Variants in CACNA2D4 observed in about 807,000 individuals in gnomAD.
CACNA2D4 encodes calcium voltage-gated channel auxiliary subunit alpha2delta 4, also known as voltage-dependent calcium channel subunit alpha-2/delta-4.
In CACNA2D4, 157 loss-of-function variants were observed where a neutral mutation model predicts 163.8. The ratio of observed to expected loss-of-function variants is 0.96; its 90% CI spans 0.84 to 1.09. The LOEUF (loss-of-function observed/expected upper bound fraction) is 1.09. Ranked by LOEUF, CACNA2D4 falls within the 50% of genes least tolerant of loss-of-function variation. The probability of loss-of-function intolerance (pLI) is 0.00; values close to 1 mark genes in which losing one functional copy is unlikely to be tolerated. For missense variants in CACNA2D4, 1,410 were observed against 1,479.9 expected, an observed-to-expected ratio of 0.95 and a Z score of 0.78; for synonymous variants, 598 against 586.9, an observed-to-expected ratio of 1.02 and a Z score of -0.27.
chr12:1,817,093 A>G (rs1592668216), intron 26 of CACNA2D4, among the ~76,000 whole-genome samples: 1 of 152,106 alleles, frequency 6.6e-6, no homozygotes, highest in African/African-American at 2.4e-5. Context: ...GTTGCACGGG[A>G]TAGGGACTGT....
intron 14 of CACNA2D4, 52 bp from the exon 15 acceptor site, chr12:1,879,088 G>A: frequency 2.1e-6 from 3 of 1,457,680 alleles, no homozygotes; most frequent in East Asian, 4.5e-5. Context: ...CTGTGTACAA[G>A]GTTAGACTGG....
Position 1,834,997 on chromosome 12 carries a change from G to A in CACNA2D4, c.2551+5742C>T, listed in dbSNP as rs186891929. ...CTAAGCTCTGGCCACAGCAAAGCAA[G>A]GAGGTGTGTGCAAGAGGAGGCTTCC... On this transcript the variant is annotated intron_variant, in intron 26 of 37. Transcript: ENST00000382722. The surrounding 1 kb of genome is among the most constrained non-coding windows in gnomAD (Gnocchi z 7.6). The A allele has an allele frequency of 3.0e-4, 149 of 503,494 alleles. No individual in the cohort carries two copies. Among genetic ancestry groups the A allele is most frequent in the African/African-American group, 2.7e-3 (139 of 51,994 alleles). The allele number at this position is 503,494 out of a possible 1,614,324, so 31.2% of individuals were successfully genotyped here. A position where few individuals can be genotyped will look rare whatever the true frequency, so the allele number is the denominator to read the frequency against.
chr12:1,844,330 G>A lies in CACNA2D4; in HGVS notation c.2470+72C>T. 2 of 1,555,808 alleles carry A rather than the reference G, an allele frequency of 1.3e-6. No individual in the cohort carries two copies. The highest frequency in any genetic ancestry group is 2.3e-5 in the South Asian group (2 of 85,494). On this transcript the variant is annotated intron_variant, in intron 25 of 37. Coordinates refer to ENST00000382722, the MANE Select transcript of CACNA2D4 (RefSeq NM_172364.5). This position sits in a 1 kb window ranked among gnomAD's most constrained non-coding sequence, Gnocchi z 4.2. ...ATATCTCGTTCCCATTTCCCACTAA[G>A]AGCACAGCAGGAGGAGAGATGAGAC...
In CACNA2D4 at chr12:1,802,694, C is replaced by T. The variant is rs12580035; in HGVS notation, c.2722-1050G>A. Among the ~76,000 whole-genome samples, 20,693 of 152,252 alleles carry T rather than the reference C, an allele frequency of 0.14. 1,745 individuals are homozygous for T. The highest frequency in any genetic ancestry group is 0.21 in the Middle Eastern group (63 of 294). Reference sequence around the variant, plus strand: ...TAAATACTTGAAAAATGGCAGCCATCGTTAGGAGGAGAGGTCCGGGGTCCG... The same window carrying T: ...TAAATACTTGAAAAATGGCAGCCATTGTTAGGAGGAGAGGTCCGGGGTCCG... On this transcript the variant is annotated intron_variant, in intron 29 of 37. Coordinates refer to ENST00000382722, the MANE Select transcript of CACNA2D4 (RefSeq NM_172364.5). This position sits in a 1 kb window ranked among gnomAD's most constrained non-coding sequence, Gnocchi z 4.7.
chr12:1,863,472 T>G (rs1865568069), intron 18 of CACNA2D4, among the ~76,000 whole-genome samples: 1 of 152,234 alleles, frequency 6.6e-6, no homozygotes, highest in Non-Finnish European at 1.5e-5. Context: ...TCTGTTCAAA[T>G]TTTGATCGGA....
chr12:1,823,790 G>A (rs1021429685), intron 26 of CACNA2D4, among the ~76,000 whole-genome samples: 1 of 152,210 alleles, frequency 6.6e-6, no homozygotes, highest in African/African-American at 2.4e-5. Context: ...GACAAAAACA[G>A]CTGCCTTCTC....
At chr12:1,868,836 G>T (rs903887398) in intron 18 of CACNA2D4, among the ~76,000 whole-genome samples, 1 of 152,168 alleles carries the variant, frequency 6.6e-6, no homozygotes, top group Admixed American at 6.5e-5. Flanking sequence ...TACTGAATAT[G>T]TACAGACTTT....
At chr12:1,817,447 T>C (rs1400294006) in intron 26 of CACNA2D4, among the ~76,000 whole-genome samples, 1 of 151,980 alleles carries the variant, frequency 6.6e-6, no homozygotes, top group Non-Finnish European at 1.5e-5. Flanking sequence ...CAGCTCTGTG[T>C]AGGAAAGGAG....
chr12:1,819,372 C>T (rs531599406), intron 26 of CACNA2D4, among the ~76,000 whole-genome samples: 63 of 152,204 alleles, frequency 4.1e-4, no homozygotes, highest in Non-Finnish European at 1.5e-5. Flanking sequence ...CCCGGGGACC[C>T]GGCAGAACGG....
chr12:1,884,082 T>G, intron 12 of CACNA2D4, 161 bp downstream of exon 12: 1 of 584,692 alleles, frequency 1.7e-6, no homozygotes, highest in Non-Finnish European at 3.0e-6. Flanking sequence ...CACCTTGCTT[T>G]TTCCAAATAT....
intron 26 of CACNA2D4, chr12:1,831,441 C>T: frequency 1.9e-6 from 3 of 1,614,174 alleles, no homozygotes; most frequent in Non-Finnish European, 2.5e-6. Flanking sequence ...AAACCTGCAG[C>T]TGCTGCAGGT....
intron 26 of CACNA2D4, among the ~76,000 whole-genome samples, chr12:1,817,863 G>C (rs1428609359): frequency 6.6e-6 from 1 of 152,012 alleles, no homozygotes; most frequent in African/African-American, 2.4e-5. Context: ...GCCTGCCTTG[G>C]CCTCCCAAAG....
At chr12:1,840,638 T>C in intron 26 of CACNA2D4, 101 bp downstream of exon 26, 2 of 893,666 alleles carry the variant, frequency 2.2e-6, no homozygotes, top group East Asian at 2.5e-5. Context: ...GGCAGGACTG[T>C]GGCCCTGGCC....
chr12:1,797,619 T>C, intron 34 of CACNA2D4, 84 bp from the exon 35 acceptor site: 1 of 1,000,884 alleles, frequency 1.0e-6, no homozygotes, highest in South Asian at 1.4e-5. Flanking sequence ...GGGCCAGAGT[T>C]CACCCCAGTG....
chr12:1,832,376 G>T (rs1337185117), intron 26 of CACNA2D4, among the ~76,000 whole-genome samples: 1 of 152,238 alleles, frequency 6.6e-6, no homozygotes, highest in Non-Finnish European at 1.5e-5. Context: ...CGTGGCTTGA[G>T]AGGTGCCCAG....
rs765062687 is a variant in CACNA2D4 at position 1,918,291 on chromosome 12, G to A, written c.183C>T (p.Thr61=). ...CCTGTCCCCACGCAGGGGACAGGGA[G>A]GTGCCTAGAAGCAGCAGCCACAGGA... The part of the protein sequence containing the change: ...SALLWLLLLG[T]SLSPAWGQAK... Residue 61 remains threonine, a synonymous_variant, in exon 1 of 38, where the codon ACC becomes ACT. Coordinates refer to ENST00000382722, the MANE Select transcript of CACNA2D4 (RefSeq NM_172364.5). 11 of 1,610,436 alleles carry A rather than the reference G, an allele frequency of 6.8e-6. No individual in the cohort carries two copies. The South Asian group carries it at 1.2e-4, about 18-fold the overall frequency.
intron 26 of CACNA2D4, among the ~76,000 whole-genome samples, chr12:1,826,239 A>G (rs1049564674): frequency 6.6e-6 from 1 of 152,120 alleles, no homozygotes; most frequent in African/African-American, 2.4e-5. Context: ...TTCCATGGTG[A>G]TGGGCACTGG....
chr12:1,806,995 G>A lies in CACNA2D4; in HGVS notation c.2721+3283C>T, dbSNP rs1863560914. On this transcript the variant is annotated intron_variant, in intron 29 of 37. Transcript: ENST00000382722. This position sits in a 1 kb window ranked among gnomAD's most constrained non-coding sequence, Gnocchi z 4.1. Reference sequence around the variant, plus strand: ...TTGGTGGTGGGCAGACTCTAAAGTGGTTCACAATGATCCCGGCCTCCTGGG... The same window carrying A: ...TTGGTGGTGGGCAGACTCTAAAGTGATTCACAATGATCCCGGCCTCCTGGG... 6.6e-6 allele frequency among the ~76,000 whole-genome samples: 1 copy of A among 152,020 alleles called. No homozygotes were observed. Among genetic ancestry groups the A allele is most frequent in the African/African-American group, 2.4e-5 (1 of 41,410 alleles).
chr12:1,826,048 C>T (rs1482061139), intron 26 of CACNA2D4, among the ~76,000 whole-genome samples: 1 of 152,174 alleles, frequency 6.6e-6, no homozygotes, highest in African/African-American at 2.4e-5. Flanking sequence ...ATAGACTCCA[C>T]AGGCCCGGGG....
Sources: allele counts gnomAD v4.1 joint callset (sites outside exome capture counted in the v4.1 genomes callset), GRCh38; gene constraint gnomAD v4.1.1; non-coding constraint Gnocchi (gnomAD v3.1); transcripts MANE v1.5; gene names NCBI Gene and HGNC (gene_info 2026-07-23, HGNC 2026-07-21).